The following C3 variants were observed in gnomAD, a reference collection of about 807,000 sequenced individuals.
C3 encodes complement C3.
In C3, 97 loss-of-function variants were observed where a neutral mutation model predicts 207.9. The ratio of observed to expected loss-of-function variants is 0.47; its 90% CI spans 0.40 to 0.55. The LOEUF (loss-of-function observed/expected upper bound fraction) is 0.55. Ranked by LOEUF, C3 falls within the 20% of genes least tolerant of loss-of-function variation. C3 has a pLI of 0.00. For synonymous variants in C3, 848 were observed against 857.6 expected (o/e 0.99, Z 0.20); for missense variants, 1,684 against 2,171.7 (o/e 0.78, Z 4.46).
intron 36 of C3, 131 bp downstream of exon 36, chr19:6,680,027 C>A: frequency 1.4e-6 from 1 of 716,242 alleles, no homozygotes; most frequent in Non-Finnish European, 2.6e-6. Context: ...ACCCGTGGGA[C>A]CTTCATACTA....
chr19:6,707,736 C>T lies in C3; in HGVS notation c.1975+64G>A, dbSNP rs1015924523. On this transcript the variant is annotated intron_variant, in intron 15 of 40. Coordinates refer to ENST00000245907, the MANE Select transcript of C3 (RefSeq NM_000064.4). ...CAGGCCCCCGGTTTCCAGAGCTCTG[C>T]TCCCAGCATCTGGGAGGTGGAGGTG... 1.9e-6 allele frequency: 3 copies of T among 1,606,752 alleles called. No individual in the cohort carries two copies. In the African/African-American group the frequency reaches 4.0e-5, roughly 21 times the overall value.
At chr19:6,691,849 G>A (rs953227458) in intron 26 of C3, among the ~76,000 whole-genome samples, 11 of 152,078 alleles carry the variant, frequency 7.2e-5, no homozygotes, top group African/African-American at 2.7e-4. Context: ...GCTGGGCATG[G>A]TGGAGCGGGC....
intron 14 of C3, 73 bp downstream of exon 14, chr19:6,709,611 T>TACCCCCCCCC: frequency 2.7e-6 from 3 of 1,109,450 alleles, no homozygotes; most frequent in Non-Finnish European, 4.1e-6. Context: ...CCCTCTCCAG[T>TACCCCCCCCC]CCCACCCACC....
At chr19:6,697,043 A>AAAAAAAAAAAAAAT (rs762889518) in intron 21 of C3, among the ~76,000 whole-genome samples, 2 of 84,836 alleles carry the variant, frequency 2.4e-5, no homozygotes, top group Non-Finnish European at 4.7e-5. Flanking sequence ...CTCTGTCTCA[A>AAAAAAAAAAAAAAT]AAAAATAAAC....
In C3 at chr19:6,679,127, T is replaced by C; in HGVS notation, c.4628A>G (p.Tyr1543Cys). Residue 1543 changes from tyrosine (Y) to cysteine (C), a missense_variant and splice_region_variant, in exon 38 of 41, where the codon TAT becomes TGT. Tyr to Cys is a radical substitution (Grantham distance 194, BLOSUM62 -2). Around this residue, in one of 3 missense-constraint regions of C3, gnomAD observed 346 missense variants for 380.1 expected, o/e 0.91. Transcript: ENST00000245907. Reference sequence around the variant, plus strand: ...ACCCCCACCCATCACCCACTCACCATAGTCCACTCCTGGCTCACAGGCCTT... The same window carrying C: ...ACCCCCACCCATCACCCACTCACCACAGTCCACTCCTGGCTCACAGGCCTT... ...LDKACEPGVD[Y>C]VYKTRLVKVQ... 1 of 1,612,622 alleles carries C rather than the reference T, an allele frequency of 6.2e-7. No homozygotes were observed. The highest frequency in any genetic ancestry group is 8.5e-7 in the Non-Finnish European group (1 of 1,178,616).
chr19:6,682,292 C>G, intron 33 of C3, 63 bp from the exon 34 acceptor site: 1 of 1,290,020 alleles, frequency 7.8e-7, no homozygotes, highest in African/African-American at 1.5e-5. Flanking sequence ...GGGTCTGTTC[C>G]TGGACAAGGA....
intron 14 of C3, among the ~76,000 whole-genome samples, 173 bp downstream of exon 14, chr19:6,709,511 G>A (rs1967858371): frequency 6.6e-6 from 1 of 152,094 alleles, no homozygotes; most frequent in African/African-American, 2.4e-5. Flanking sequence ...TGGAACCCAT[G>A]TCCAACCTCA....
At position 6,702,451 on chromosome 19, in the gene C3, C is replaced by G. The variant is rs199811284; in HGVS notation, c.2354+20G>C. The G allele has an allele frequency of 2.0e-6, 3 of 1,534,348 alleles. No homozygotes were observed. The highest frequency in any genetic ancestry group is 1.7e-5 in the Admixed American group (1 of 59,924). ...GGTCTGACTCTGGGGTGGGTTGTAC[C>G]GGGGGTACCCCGGCCTTACCCATTT... On this transcript the variant is annotated intron_variant, in intron 18 of 40. Transcript: ENST00000245907.
chr19:6,717,721 A>C, intron 4 of C3: 1 of 366,024 alleles, frequency 2.7e-6, no homozygotes. Context: ...TATGTTGTGT[A>C]TTGTGTTGTG....
In C3 at chr19:6,719,474, G is replaced by A; in HGVS notation, c.75-71C>T. On this transcript the variant is annotated intron_variant, in intron 1 of 40. Transcript: ENST00000245907. The surrounding 1 kb of genome is among the most constrained non-coding windows in gnomAD (Gnocchi z 5.4). ...GAGACGCCAGTCCTCACTGGAGTCAGCGCCTGGCAGGCTGTGTGCCCCAGC... is the reference window on the plus strand; with the variant it reads ...GAGACGCCAGTCCTCACTGGAGTCAACGCCTGGCAGGCTGTGTGCCCCAGC... 11 of 1,411,552 alleles carry A rather than the reference G, an allele frequency of 7.8e-6. No homozygotes were observed. The highest frequency in any genetic ancestry group is 9.9e-6 in the Non-Finnish European group (10 of 1,005,946). 87.4% of individuals were successfully genotyped at this position (1,411,552 alleles called of 1,614,324 possible). A position where few individuals can be genotyped will look rare whatever the true frequency, so the allele number is the denominator to read the frequency against.
chr19:6,709,145 C>T (rs1967851702), intron 14 of C3, among the ~76,000 whole-genome samples: 1 of 152,134 alleles, frequency 6.6e-6, no homozygotes, highest in Non-Finnish European at 1.5e-5. Context: ...CTCAGGGCCC[C>T]AGTTGAAAGT....
intron 40 of C3, 28 bp from the exon 41 acceptor site, chr19:6,678,051 G>A (rs1265756181): frequency 1.9e-6 from 3 of 1,614,184 alleles, no homozygotes; most frequent in Admixed American, 1.7e-5. Flanking sequence ...AGGTCAGGAA[G>A]GGGCGTGGTG....
intron 5 of C3, 37 bp downstream of exon 5, chr19:6,714,315 G>A: frequency 6.2e-7 from 1 of 1,610,050 alleles, no homozygotes; most frequent in Non-Finnish European, 8.5e-7. Context: ...CCGGGGATAG[G>A]GGAGCCCTGA....
chr19:6,703,660 C>T (rs1206244346), intron 17 of C3, among the ~76,000 whole-genome samples: 2 of 152,042 alleles, frequency 1.3e-5, no homozygotes, highest in Admixed American at 6.6e-5. Flanking sequence ...TCTAAAGGAT[C>T]ACCGTCCCGA....
intron 7 of C3, 73 bp downstream of exon 7, chr19:6,713,919 C>A (rs1350201473): frequency 4.2e-5 from 38 of 904,774 alleles, no homozygotes; most frequent in Non-Finnish European, 6.0e-5. Context: ...CCTGACTCCA[C>A]CCCCAGTCCC....
intron 4 of C3, among the ~76,000 whole-genome samples, chr19:6,714,943 C>A (rs1368357128): frequency 6.6e-6 from 1 of 152,152 alleles, no homozygotes; most frequent in Admixed American, 6.5e-5. Flanking sequence ...TGACCCTGGG[C>A]AAGTTACCTA....
Position 6,719,330 on chromosome 19 carries a change from G to T in C3, c.148C>A (p.Gln50Lys). ...GTAACAGTGACTGGAACATCCCCTTGCGCGTCGTGGGCCTCCAGCACCATG... is the reference window on the plus strand; with the variant it reads ...GTAACAGTGACTGGAACATCCCCTTTCGCGTCGTGGGCCTCCAGCACCATG... The part of the protein sequence containing the change: ...ETMVLEAHDA[Q>K]GDVPVTVTVH... The change falls in exon 2 of 41, where the codon CAA becomes AAA. Residue 50 changes from glutamine (Q) to lysine (K), a missense_variant. This residue lies in a region of C3 where 1,280 missense variants were observed against 1,739.1 expected (regional missense o/e 0.74). Coordinates refer to ENST00000245907, the MANE Select transcript of C3 (RefSeq NM_000064.4). The surrounding 1 kb of genome is among the most constrained non-coding windows in gnomAD (Gnocchi z 5.4). 1.2e-6 allele frequency: 2 copies of T among 1,614,040 alleles called. No homozygotes were observed. The highest frequency in any genetic ancestry group is 1.7e-6 in the Non-Finnish European group (2 of 1,179,974).
At chr19:6,681,786 G>T (rs1010693797) in intron 35 of C3, among the ~76,000 whole-genome samples, 155 bp downstream of exon 35, 3 of 152,104 alleles carry the variant, frequency 2.0e-5, no homozygotes, top group Non-Finnish European at 4.4e-5. Flanking sequence ...TATTTTACAA[G>T]CTCCTTCCCC....
chr19:6,691,220 A>AT (rs915394965), intron 26 of C3, among the ~76,000 whole-genome samples: 3 of 152,036 alleles, frequency 2.0e-5, no homozygotes, highest in African/African-American at 4.8e-5. Context: ...CACCAAGCTA[A>AT]TTTTTTTGTA....
Sources: allele counts gnomAD v4.1 joint callset (sites outside exome capture counted in the v4.1 genomes callset), GRCh38; gene constraint gnomAD v4.1.1; regional missense constraint gnomAD v4.1.1; non-coding constraint Gnocchi (gnomAD v3.1); transcripts MANE v1.5; gene names NCBI Gene and HGNC (gene_info 2026-07-23, HGNC 2026-07-21).